HGSNAT: variants seen among roughly 807,000 people sequenced by gnomAD.
HGSNAT encodes the protein transmembrane protein 76.
HGSNAT carries 59 observed loss-of-function variants against 85.2 expected under a neutral mutation model. The observed-to-expected ratio is 0.69, with a 90% CI of 0.56 to 0.86. The LOEUF (loss-of-function observed/expected upper bound fraction) is 0.86. Among genes scored for constraint, HGSNAT ranks in the 40% least tolerant of loss-of-function variants. The pLI, the probability that HGSNAT is intolerant of heterozygous loss-of-function variation, is 0.00. For synonymous variants in HGSNAT, 321 were observed against 304.5 expected (o/e 1.05, Z -0.56); for missense variants, 756 against 777.1 (o/e 0.97, Z 0.32).
Position 43,144,479 on chromosome 8 carries a change from A to C in HGSNAT, c.119-2469A>C, listed in dbSNP as rs150231873. Among the ~76,000 whole-genome samples, 381 of 152,086 alleles carry C rather than the reference A, an allele frequency of 2.5e-3. 2 individuals carry two copies. The highest frequency in any genetic ancestry group is 0.011 in the South Asian group (52 of 4,800). On this transcript the variant is annotated intron_variant, in intron 1 of 17. Coordinates refer to ENST00000379644, the MANE Select transcript of HGSNAT (RefSeq NM_152419.3). ...CCACTTTGTAGATGGTCAAGTTTAGATTTCCCAACGGTTTCATGAGGCACA... is the reference window on the plus strand; with the variant it reads ...CCACTTTGTAGATGGTCAAGTTTAGCTTTCCCAACGGTTTCATGAGGCACA...
At chr8:43,177,938 C>T (rs756244076) in intron 9 of HGSNAT, 136 bp from the exon 10 acceptor site, 49 of 745,678 alleles carry the variant, frequency 6.6e-5, no homozygotes, top group Non-Finnish European at 1.1e-4. Flanking sequence ...CTACTGTTAG[C>T]TCAGTATTAT....
chr8:43,149,084 C>T (rs888970147), intron 2 of HGSNAT, among the ~76,000 whole-genome samples: 20 of 151,432 alleles, frequency 1.3e-4, no homozygotes, highest in African/African-American at 4.9e-4. Flanking sequence ...CCACTGCACT[C>T]CAGCCTGGGC....
At chr8:43,187,891 T>A (rs1194316092) in intron 11 of HGSNAT, among the ~76,000 whole-genome samples, 1 of 152,210 alleles carries the variant, frequency 6.6e-6, no homozygotes, top group African/African-American at 2.4e-5. Flanking sequence ...TTATTTCTCT[T>A]TCACTTATGA....
In HGSNAT at chr8:43,147,034, G is replaced by C. The variant is rs202001245; in HGVS notation, c.205G>C (p.Val69Leu). 6.2e-7 allele frequency: 1 copy of C among 1,603,420 alleles called. No individual in the cohort carries two copies. The highest frequency in any genetic ancestry group is 1.1e-5 in the South Asian group (1 of 88,320). The stretch of plus-strand genomic sequence containing the variant: ...TGAACTTCTCTGGACCAACTTGACC[G>C]TCTACTGGAAATCTGAATGCTGTTA... ...HNELLWTNLT[V>L]YWKSECCYHC... Residue 69 changes from valine (V) to leucine (L), a missense_variant, in exon 2 of 18, where the codon GTC becomes CTC. Physicochemically the swap from Val to Leu is conservative, Grantham distance 32 (BLOSUM62 1). Coordinates refer to ENST00000379644, the MANE Select transcript of HGSNAT (RefSeq NM_152419.3).
intron 2 of HGSNAT, among the ~76,000 whole-genome samples, chr8:43,149,622 C>T (rs186541172): frequency 4.0e-5 from 6 of 151,870 alleles, no homozygotes; most frequent in Admixed American, 1.3e-4. Flanking sequence ...ATGGCGTGAA[C>T]CCGGGAGGCG....
At chr8:43,182,401 G>A (rs1199980070) in intron 11 of HGSNAT, 141 bp downstream of exon 11, 1 of 752,918 alleles carries the variant, frequency 1.3e-6, no homozygotes, top group East Asian at 2.7e-5. Context: ...GCCACCCAAA[G>A]CGCCGGGATT....
rs762402992 is a variant in HGSNAT at position 43,172,308 on chromosome 8, A to C, written c.744-2A>C. 1.2e-6 allele frequency: 2 copies of C among 1,607,888 alleles called. No homozygotes were observed. Among genetic ancestry groups the C allele is most frequent in the African/African-American group, 2.7e-5 (2 of 74,818 alleles). On this transcript the variant is annotated splice_acceptor_variant, in intron 7 of 17. Transcript: ENST00000379644. LOFTEE classifies it high-confidence loss of function. ...AGGCTTCTCTTTGTTGGCTTCTTCT[A>C]GGATTGCTCTTATACTCATGGTCTT... is the stretch of plus-strand genomic sequence containing the variant.
At chr8:43,179,511 C>G (rs1803959939) in intron 10 of HGSNAT, among the ~76,000 whole-genome samples, 1 of 127,730 alleles carries the variant, frequency 7.8e-6, no homozygotes, top group African/African-American at 3.2e-5. Flanking sequence ...CCCCACCTCC[C>G]TCCCGGACGG....
intron 4 of HGSNAT, among the ~76,000 whole-genome samples, chr8:43,161,003 T>A (rs1803249664): frequency 6.6e-6 from 1 of 152,226 alleles, no homozygotes; most frequent in Admixed American, 6.5e-5. Context: ...TGGGTCCTTC[T>A]CAGTGCCTTG....
At chr8:43,180,102 A>G (rs1342829901) in intron 10 of HGSNAT, among the ~76,000 whole-genome samples, 8 of 10,762 alleles carry the variant, frequency 7.4e-4, no homozygotes, top group African/African-American at 1.1e-3. Flanking sequence ...CGGCTGGCCG[A>G]CCCCCCCCCC....
chr8:43,177,151 G>A (rs2130763776), intron 9 of HGSNAT, among the ~76,000 whole-genome samples: 1 of 152,176 alleles, frequency 6.6e-6, no homozygotes, highest in Non-Finnish European at 1.5e-5. Flanking sequence ...AAGGCTTTCA[G>A]TTTTTCCTAG....
intron 8 of HGSNAT, 129 bp from the exon 9 acceptor site, chr8:43,173,584 T>C (rs1803705171): frequency 3.1e-6 from 3 of 979,782 alleles, no homozygotes; most frequent in Non-Finnish European, 3.2e-6. Flanking sequence ...GTGTTGGGAT[T>C]ACGGGCATGA....
intron 11 of HGSNAT, 51 bp downstream of exon 11, chr8:43,182,311 T>A (rs1233657193): frequency 7.3e-7 from 1 of 1,367,126 alleles, no homozygotes; most frequent in Non-Finnish European, 1.0e-6. Context: ...TTAAAAAAAA[T>A]GTATTGTGTG....
rs1804857354 is a variant in HGSNAT, at chr8:43,199,706, G to A, written c.*137G>A. On this transcript the variant is annotated 3_prime_UTR_variant, in exon 18 of 18. Transcript: ENST00000379644. ...ACAGACTCTGGGGGAAGACACTGAT[G>A]TCCTCAAACTGGTTAACTGTGACAC... 3 of 567,558 alleles carry A rather than the reference G, an allele frequency of 5.3e-6. No individual in the cohort carries two copies. The highest frequency in any genetic ancestry group is 2.8e-6 in the Non-Finnish European group (1 of 353,514). The allele number at this position is 567,558 out of a possible 1,614,324, so 35.2% of individuals were successfully genotyped here.
Position 43,161,423 on chromosome 8 carries a change from C to T in HGSNAT, c.494-15C>T, listed in dbSNP as rs1033103288. 6.2e-7 allele frequency: 1 copy of T among 1,609,668 alleles called. No individual in the cohort carries two copies. Among genetic ancestry groups the T allele is most frequent in the Admixed American group, 1.7e-5 (1 of 59,764 alleles). On this transcript the variant is annotated splice_polypyrimidine_tract_variant and intron_variant, in intron 4 of 17. Transcript: ENST00000379644. ...ACATTTTTGGGGGCTAATGTGTTTT[C>T]TTCTCTTTTTCTAGCTGTGAGCATT...
intron 14 of HGSNAT, chr8:43,196,481 C>T (rs1804731235): frequency 7.8e-7 from 1 of 1,289,582 alleles, no homozygotes; most frequent in Non-Finnish European, 1.0e-6. Context: ...ACCCTTGTCA[C>T]CTTTGTGGAG....
chr8:43,175,506 T>G (rs1418235967), intron 9 of HGSNAT, among the ~76,000 whole-genome samples: 1 of 152,010 alleles, frequency 6.6e-6, no homozygotes, highest in Non-Finnish European at 1.5e-5. Context: ...TATTCGTGTT[T>G]GCCATTTGGA....
At chr8:43,181,079 C>T (rs1363980715) in intron 10 of HGSNAT, among the ~76,000 whole-genome samples, 14 of 91,076 alleles carry the variant, frequency 1.5e-4, no homozygotes, top group African/African-American at 3.5e-4. Context: ...AGAGGGAGAC[C>T]GTGGAGGGAG....
At chr8:43,142,134 A>G (rs902845285) in intron 1 of HGSNAT, among the ~76,000 whole-genome samples, 14 of 152,228 alleles carry the variant, frequency 9.2e-5, no homozygotes, top group Admixed American at 2.0e-4. Context: ...ACTCACGAGC[A>G]GAGAGCTAGA....
Sources: allele counts gnomAD v4.1 joint callset (sites outside exome capture counted in the v4.1 genomes callset), GRCh38; gene constraint gnomAD v4.1.1; transcripts MANE v1.5; gene names NCBI Gene and HGNC (gene_info 2026-07-23, HGNC 2026-07-21).